ENG: variants seen among roughly 807,000 people sequenced by gnomAD.
ENG encodes endoglin.
In ENG, 17 loss-of-function variants were observed where a neutral mutation model predicts 71.0. That is an observed-to-expected ratio of 0.24 (90% CI 0.16 to 0.36). The LOEUF is 0.36. Ranked by LOEUF, ENG falls within the 10% of genes least tolerant of loss-of-function variation. The pLI is 1.00. For synonymous variants in ENG, 360 were observed against 366.9 expected (o/e 0.98, Z 0.21); for missense variants, 749 against 868.3 (o/e 0.86, Z 1.73).
At position 127,836,976 on chromosome 9, in the gene ENG, C is replaced by T. The variant is rs779527603; in HGVS notation, c.219+6118G>A. Among the ~76,000 whole-genome samples the T allele has an allele frequency of 5.9e-5, 9 of 152,120 alleles. No individual in the cohort carries two copies. Among genetic ancestry groups the T allele is most frequent in the African/African-American group, 9.7e-5 (4 of 41,422 alleles). On this transcript the variant is annotated intron_variant, in intron 2 of 14. Coordinates refer to ENST00000373203, the MANE Select transcript of ENG (RefSeq NM_001114753.3). This position sits in a 1 kb window ranked among gnomAD's most constrained non-coding sequence, Gnocchi z 4.0. The stretch of plus-strand genomic sequence containing the variant: ...CTAATTTTTGTATTTTTAGTAGAGA[C>T]GGGGTTTCGCCCATGTCGGCCAGGC...
intron 3 of ENG, among the ~76,000 whole-genome samples, 164 bp downstream of exon 3, chr9:127,829,523 A>G (rs527262378): frequency 2.0e-5 from 3 of 152,290 alleles, no homozygotes; most frequent in African/African-American, 7.2e-5. Flanking sequence ...TCTCTCTGGT[A>G]GAGACCATTG....
At chr9:127,817,369 G>A (rs1830350636) in intron 12 of ENG, 166 bp from the exon 13 acceptor site, 1 of 729,730 alleles carries the variant, frequency 1.4e-6, no homozygotes, top group South Asian at 1.5e-5. Flanking sequence ...TCTGTGCTGT[G>A]GGAGGGTGCC....
chr9:127,818,641 G>GTCA, intron 11 of ENG, 75 bp downstream of exon 11: 1 of 1,527,424 alleles, frequency 6.5e-7, no homozygotes, highest in Non-Finnish European at 9.1e-7. Context: ...CTCCTCTGGA[G>GTCA]TCATGGTGGG....
At chr9:127,819,486 G>T in intron 10 of ENG, 136 bp downstream of exon 10, 1 of 1,169,840 alleles carries the variant, frequency 8.5e-7, no homozygotes, top group Non-Finnish European at 1.2e-6. Context: ...CATACAGAAG[G>T]GGAGACCGAG....
intron 2 of ENG, among the ~76,000 whole-genome samples, chr9:127,842,118 C>T (rs1432864427): frequency 6.6e-6 from 1 of 152,140 alleles, no homozygotes; most frequent in East Asian, 1.9e-4. Flanking sequence ...GAATCGTCTC[C>T]AGGCCGGCAG....
chr9:127,818,719 C>A lies in ENG; in HGVS notation c.1425G>T (p.Val475=), dbSNP rs1554809328. 5.0e-6 allele frequency: 8 copies of A among 1,614,092 alleles called. No homozygotes were observed. The East Asian group carries it at 1.8e-4, about 36-fold the overall frequency. The part of the protein sequence containing the change: ...NTIEPGQQSF[V]QVRVSPSVSE... ...GGGTGACAGGCATGCCAGGTACCTGCACAAAGCTCTGCTGCCCCGGCTCGA... is the reference window on the plus strand; with the variant it reads ...GGGTGACAGGCATGCCAGGTACCTGAACAAAGCTCTGCTGCCCCGGCTCGA... The change falls in exon 11 of 15, where the codon GTG becomes GTT. Residue 475 remains valine (V), a synonymous_variant. Transcript: ENST00000373203.
At position 127,829,737 on chromosome 9, in the gene ENG, T is replaced by C. The variant is rs757343854; in HGVS notation, c.310A>G (p.Ser104Gly). Residue 104 changes from serine (S) to glycine (G), a missense_variant, in exon 3 of 15, where the codon AGT becomes GGT. Coordinates refer to ENST00000373203, the MANE Select transcript of ENG (RefSeq NM_001114753.3). ...AGGGCCTGGAGATGCAGGAAGACAC[T>C]GCTGTTTACACTGAGGACCAGAAGC... Reference protein sequence around the residue: ...EVLLVLSVNSSVFLHLQALGI... With the variant: ...EVLLVLSVNSGVFLHLQALGI... The C allele has an allele frequency of 5.0e-6, 8 of 1,613,970 alleles. No homozygotes were observed. Among genetic ancestry groups the C allele is most frequent in the Non-Finnish European group, 6.8e-6 (8 of 1,180,008 alleles).
intron 2 of ENG, among the ~76,000 whole-genome samples, chr9:127,831,159 A>ATTTT (rs548554493): frequency 2.3e-5 from 3 of 132,968 alleles, no homozygotes; most frequent in African/African-American, 8.3e-5. Context: ...CGTAAATACC[A>ATTTT]TTTTTTTTTT....
chr9:127,851,094 C>T (rs1429095883), intron 1 of ENG, among the ~76,000 whole-genome samples: 1 of 152,124 alleles, frequency 6.6e-6, no homozygotes, highest in Non-Finnish European at 1.5e-5. Context: ...ACCATACTAA[C>T]GGTACCTGTA....
intron 8 of ENG, among the ~76,000 whole-genome samples, chr9:127,821,808 G>A (rs375373917): frequency 2.7e-5 from 4 of 150,754 alleles, no homozygotes; most frequent in African/African-American, 9.8e-5. Flanking sequence ...GCTTGAACCC[G>A]GGAGGCAGAG....
intron 13 of ENG, 184 bp from the exon 14 acceptor site, chr9:127,816,237 G>A: frequency 1.3e-6 from 1 of 790,264 alleles, no homozygotes; most frequent in East Asian, 2.7e-5. Flanking sequence ...TTGAGCCATG[G>A]TTGCTAGGAC....
At chr9:127,851,127 A>AT (rs929199214) in intron 1 of ENG, among the ~76,000 whole-genome samples, 76 of 152,140 alleles carry the variant, frequency 5.0e-4, no homozygotes, top group African/African-American at 1.5e-3. Flanking sequence ...TTCCGAGGTG[A>AT]TTTTTTCCCT....
Position 127,819,841 on chromosome 9 carries a change from G to A in ENG, c.1272+59C>T, listed in dbSNP as rs1397254399. The A allele has an allele frequency of 1.9e-6, 3 of 1,613,670 alleles. No individual in the cohort carries two copies. In the East Asian group the frequency reaches 6.7e-5, roughly 36 times the overall value. Reference sequence around the variant, plus strand: ...ACCTCCACCCTGGGGGATCAGGGAGGGCACCTGAGGGGGCACCAACCAGGC... The same window carrying A: ...ACCTCCACCCTGGGGGATCAGGGAGAGCACCTGAGGGGGCACCAACCAGGC... On this transcript the variant is annotated intron_variant, in intron 9 of 14. Transcript: ENST00000373203.
rs1156554780 is a variant in ENG, at chr9:127,822,771, A to G, written c.1134+1533T>C. Among the ~76,000 whole-genome samples, 6 of 152,200 alleles carry G rather than the reference A, an allele frequency of 3.9e-5. No homozygotes were observed. In the South Asian group the frequency reaches 6.2e-4, roughly 16 times the overall value. ...ACGCTCTAGAAAGAAGCACACCAAAATGTTGGCAGCCATTGTCTTTGTGTC... is the reference window on the plus strand; with the variant it reads ...ACGCTCTAGAAAGAAGCACACCAAAGTGTTGGCAGCCATTGTCTTTGTGTC... On this transcript the variant is annotated intron_variant, in intron 8 of 14. Transcript: ENST00000373203.
chr9:127,824,585 C>G lies in ENG; in HGVS notation c.992-139G>C. Reference sequence around the variant, plus strand: ...CCGGGCTGGAGTGCAGTGGCACGATCTTGGCTCACTGCAACCTCCATCTCC... The same window carrying G: ...CCGGGCTGGAGTGCAGTGGCACGATGTTGGCTCACTGCAACCTCCATCTCC... On this transcript the variant is annotated intron_variant, in intron 7 of 14. Coordinates refer to ENST00000373203, the MANE Select transcript of ENG (RefSeq NM_001114753.3). 1.7e-6 allele frequency: 2 copies of G among 1,149,154 alleles called. 1 individual carries two copies. Among genetic ancestry groups the G allele is most frequent in the Non-Finnish European group, 2.3e-6 (2 of 859,766 alleles). The allele number at this position is 1,149,154 out of a possible 1,614,324, so 71.2% of individuals were successfully genotyped here.
At chr9:127,839,273 C>T (rs578051229) in intron 2 of ENG, among the ~76,000 whole-genome samples, 2 of 152,310 alleles carry the variant, frequency 1.3e-5, no homozygotes, top group African/African-American at 4.8e-5. Flanking sequence ...TCTGCATCAT[C>T]AACACAGGCT....
rs1444432628 is a variant in ENG at position 127,846,634 on chromosome 9, G to A, written c.68-3389C>T. On this transcript the variant is annotated intron_variant, in intron 1 of 14. Coordinates refer to ENST00000373203, the MANE Select transcript of ENG (RefSeq NM_001114753.3). This position sits in a 1 kb window ranked among gnomAD's most constrained non-coding sequence, Gnocchi z 5.5. ...ATCAGATAAGAGGTCCATTTATTTT[G>A]GGGCCTTTTCGAATCCTGGCCGCCC... 6.6e-6 allele frequency among the ~76,000 whole-genome samples: 1 copy of A among 152,106 alleles called. No individual in the cohort carries two copies. Among genetic ancestry groups the A allele is most frequent in the Non-Finnish European group, 1.5e-5 (1 of 68,000 alleles).
At position 127,815,807 on chromosome 9, in the gene ENG, C is replaced by A; in HGVS notation, c.1853-1G>T. The A allele has an allele frequency of 6.5e-7, 1 of 1,546,870 alleles. No individual in the cohort carries two copies. Among genetic ancestry groups the A allele is most frequent in the Non-Finnish European group, 8.7e-7 (1 of 1,146,624 alleles). ...ACGGGCTCCCGCTTGCTGGGGGAAC[C>A]TGGGAGCGGGAGCGGGGGCAGGGGC... On this transcript the variant is annotated splice_acceptor_variant, in intron 14 of 14. Transcript: ENST00000373203. LOFTEE classifies it high-confidence loss of function.
chr9:127,818,370 A>G lies in ENG; in HGVS notation c.1436T>C (p.Val479Ala). ...CAGGAACTCGGAGACGGATGGGGACACTCTGACCTGCATGGGTAGGTAGGG... is the reference window on the plus strand; with the variant it reads ...CAGGAACTCGGAGACGGATGGGGACGCTCTGACCTGCATGGGTAGGTAGGG... ...PGQQSFVQVR[V>A]SPSVSEFLLQ... The change falls in exon 12 of 15, where the codon GTG becomes GCG. Residue 479 changes from valine (V) to alanine (A), a missense_variant. Val to Ala is a moderately conservative substitution (Grantham distance 64). Coordinates refer to ENST00000373203, the MANE Select transcript of ENG (RefSeq NM_001114753.3). 6.2e-7 allele frequency: 1 copy of G among 1,613,322 alleles called. No individual in the cohort carries two copies. Among genetic ancestry groups the G allele is most frequent in the Non-Finnish European group, 8.5e-7 (1 of 1,179,964 alleles).
Sources: gnomAD v4.1 joint callset for allele counts (sites outside exome capture counted in the v4.1 genomes callset) on GRCh38, gnomAD v4.1.1 for gene constraint, Gnocchi (gnomAD v3.1) non-coding constraint, MANE v1.5 for transcripts, NCBI Gene and HGNC (gene_info 2026-07-23, HGNC 2026-07-21) for gene names.